Variants in SLC1A2 observed in about 807,000 individuals in gnomAD.
SLC1A2 encodes excitatory amino acid transporter 2.
In SLC1A2, 15 loss-of-function variants were observed where a neutral mutation model predicts 48.8. The ratio of observed to expected loss-of-function variants is 0.31; its 90% CI spans 0.21 to 0.47. The LOEUF is 0.47. Ranked by LOEUF, SLC1A2 falls within the 20% of genes least tolerant of loss-of-function variation. The pLI is 0.99. For synonymous variants in SLC1A2, 279 were observed against 272.6 expected (o/e 1.02, Z -0.23); for missense variants, 502 against 730.5 (o/e 0.69, Z 3.61).
At chr11:35,371,517 C>G (rs1413128151) in intron 1 of SLC1A2, among the ~76,000 whole-genome samples, 1 of 152,112 alleles carries the variant, frequency 6.6e-6, no homozygotes, top group Non-Finnish European at 1.5e-5. Flanking sequence ...ACTTCGTTTC[C>G]CTTAGTACCA....
chr11:35,385,180 G>C (rs1050099611), intron 1 of SLC1A2, among the ~76,000 whole-genome samples: 9 of 152,176 alleles, frequency 5.9e-5, no homozygotes, highest in Non-Finnish European at 1.2e-4. Flanking sequence ...TTGTCATTGA[G>C]AAAGGCCAGA....
In SLC1A2 at chr11:35,301,614, G is replaced by A. The variant is rs867507556; in HGVS notation, c.762C>T (p.Ile254=). The part of the protein sequence containing the change: ...GLIGFFIAFG[I]AMGKMGDQAK... ...CCTGATCTCCCATCTTCCCCATAGC[G>A]ATGCCAAAAGCAATGAAAAACCCTA... The change falls in exon 6 of 11, where the codon ATC becomes ATT. Residue 254 remains isoleucine (I), a synonymous_variant. Transcript: ENST00000278379. The A allele has an allele frequency of 3.1e-6, 5 of 1,613,652 alleles. No homozygotes were observed. The highest frequency in any genetic ancestry group is 1.1e-5 in the South Asian group (1 of 91,062).
In SLC1A2 at chr11:35,347,601, G is replaced by A. The variant is rs536865122; in HGVS notation, c.18-30085C>T. Reference sequence around the variant, plus strand: ...TTAAGAAGTGGACATATGCATGCCCGTATTTGCCTTCCTTGCTTTCAATAG... The same window carrying A: ...TTAAGAAGTGGACATATGCATGCCCATATTTGCCTTCCTTGCTTTCAATAG... On this transcript the variant is annotated intron_variant, in intron 1 of 10. Coordinates refer to ENST00000278379, the MANE Select transcript of SLC1A2 (RefSeq NM_004171.4). Among the ~76,000 whole-genome samples, 16 of 152,324 alleles carry A rather than the reference G, an allele frequency of 1.1e-4. No individual in the cohort carries two copies. The South Asian group carries it at 1.2e-3, about 12-fold the overall frequency.
At chr11:35,344,301 T>C (rs1230208882) in intron 1 of SLC1A2, among the ~76,000 whole-genome samples, 1 of 152,194 alleles carries the variant, frequency 6.6e-6, no homozygotes, top group Non-Finnish European at 1.5e-5. Context: ...ATATTTAATA[T>C]AAGGTGGTCA....
chr11:35,281,192 G>C (rs527259846), intron 8 of SLC1A2, among the ~76,000 whole-genome samples, 191 bp from the exon 9 acceptor site: 6 of 152,132 alleles, frequency 3.9e-5, no homozygotes, highest in South Asian at 2.1e-4. Flanking sequence ...GCCTATTTGG[G>C]TACTGCTCAA....
intron 7 of SLC1A2, chr11:35,291,510 C>T (rs1851008468): frequency 6.6e-6 from 1 of 152,204 alleles, no homozygotes; most frequent in Non-Finnish European, 1.5e-5. Flanking sequence ...GATCCGCCTG[C>T]CGAGGCCTCC....
chr11:35,307,612 G>A lies in SLC1A2; in HGVS notation c.562-1370C>T, dbSNP rs139857500. ...AGATGGCTGAACCCCGAATAGATAC[G>A]GAAGAAGATGTACGGGAAAGTCAAG... On this transcript the variant is annotated intron_variant, in intron 4 of 10. Coordinates refer to ENST00000278379, the MANE Select transcript of SLC1A2 (RefSeq NM_004171.4). 1.7e-3 allele frequency among the ~76,000 whole-genome samples: 254 copies of A among 152,320 alleles called. 4 individuals carry two copies. In the East Asian group the frequency reaches 0.028, roughly 17 times the overall value.
intron 1 of SLC1A2, among the ~76,000 whole-genome samples, chr11:35,358,191 T>C (rs965156729): frequency 6.6e-6 from 1 of 152,010 alleles, no homozygotes; most frequent in Non-Finnish European, 1.5e-5. Flanking sequence ...ATATAAAGTA[T>C]GTAACATGAT....
At chr11:35,395,946 G>T (rs1282020994) in intron 1 of SLC1A2, among the ~76,000 whole-genome samples, 6 of 148,456 alleles carry the variant, frequency 4.0e-5, no homozygotes, top group Middle Eastern at 3.2e-3. Flanking sequence ...TTGTTCTTGC[G>T]ATAGATTACT....
chr11:35,372,820 T>C (rs1854101233), intron 1 of SLC1A2, among the ~76,000 whole-genome samples: 1 of 152,242 alleles, frequency 6.6e-6, no homozygotes, highest in Non-Finnish European at 1.5e-5. Context: ...TAACTATTTT[T>C]CACCAGGAAC....
rs563035150 is a variant in SLC1A2, at chr11:35,267,011, A to G, written c.1422-1253T>C. Among the ~76,000 whole-genome samples the G allele has an allele frequency of 1.1e-4, 16 of 152,336 alleles. No homozygotes were observed. In the South Asian group the frequency reaches 1.2e-3, roughly 12 times the overall value. ...CTAAGAAGAAAATGTGGAAAAAAATATGATCAGAGCTGGAGTTTAACTCTC... is the reference window on the plus strand; with the variant it reads ...CTAAGAAGAAAATGTGGAAAAAAATGTGATCAGAGCTGGAGTTTAACTCTC... On this transcript the variant is annotated intron_variant, in intron 9 of 10. Coordinates refer to ENST00000278379, the MANE Select transcript of SLC1A2 (RefSeq NM_004171.4).
intron 1 of SLC1A2, among the ~76,000 whole-genome samples, chr11:35,373,007 C>A (rs985512242): frequency 6.6e-6 from 1 of 152,208 alleles, no homozygotes; most frequent in Non-Finnish European, 1.5e-5. Flanking sequence ...GGCAGCCTGG[C>A]TGGGGCATCT....
chr11:35,385,536 T>C (rs1440885565), intron 1 of SLC1A2, among the ~76,000 whole-genome samples: 1 of 152,160 alleles, frequency 6.6e-6, no homozygotes, highest in Non-Finnish European at 1.5e-5. Flanking sequence ...AAATGTTCTT[T>C]CTCAGAACAC....
intron 5 of SLC1A2, among the ~76,000 whole-genome samples, chr11:35,303,582 G>A (rs186351963): frequency 9.8e-5 from 15 of 152,302 alleles, no homozygotes; most frequent in Non-Finnish European, 2.1e-4. Flanking sequence ...TTCTGGCTGA[G>A]AATAGCTCAT....
intron 1 of SLC1A2, among the ~76,000 whole-genome samples, chr11:35,346,678 G>A (rs191048135): frequency 1.1e-4 from 16 of 152,366 alleles, no homozygotes; most frequent in South Asian, 2.1e-4. Flanking sequence ...GACTCAAAGC[G>A]TAAGCTAGTA....
intron 1 of SLC1A2, among the ~76,000 whole-genome samples, chr11:35,341,531 G>A (rs7942698): frequency 0.38 from 57,620 of 152,004 alleles, 11,086 homozygotes; most frequent in South Asian, 0.54. Context: ...ATCACAAGCA[G>A]CATGCAAAAA....
chr11:35,308,262 C>A (rs3794086), intron 4 of SLC1A2, among the ~76,000 whole-genome samples: 48,579 of 151,948 alleles, frequency 0.32, 8,632 homozygotes, highest in South Asian at 0.55. Flanking sequence ...AAGCAGGATT[C>A]GAGATGAGTT....
At chr11:35,389,306 C>T (rs1854684607) in intron 1 of SLC1A2, among the ~76,000 whole-genome samples, 1 of 152,070 alleles carries the variant, frequency 6.6e-6, no homozygotes, top group Non-Finnish European at 1.5e-5. Flanking sequence ...ATTCACATGC[C>T]CAGGTAGAGA....
In SLC1A2 at chr11:35,312,457, A is replaced by T; in HGVS notation, c.311-9T>A. 1 of 1,613,554 alleles carries T rather than the reference A, an allele frequency of 6.2e-7. No individual in the cohort carries two copies. The highest frequency in any genetic ancestry group is 2.2e-5 in the East Asian group (1 of 44,854). ...ATCCAGGCCTGACAACCCTGGATTG[A>T]AAAGAAATGCAGAAGGATTAATTCT... is the stretch of plus-strand genomic sequence containing the variant. On this transcript the variant is annotated splice_polypyrimidine_tract_variant and intron_variant, in intron 3 of 10. Transcript: ENST00000278379.
Sources: gnomAD v4.1 joint callset for allele counts (sites outside exome capture counted in the v4.1 genomes callset) on GRCh38, gnomAD v4.1.1 for gene constraint, MANE v1.5 for transcripts, NCBI Gene and HGNC (gene_info 2026-07-23, HGNC 2026-07-21) for gene names.